The following ITIH3 variants were observed in gnomAD, a reference collection of about 807,000 sequenced individuals.
The protein encoded by ITIH3 is inter-alpha-trypsin inhibitor heavy chain H3.
In ITIH3, 81 loss-of-function variants were observed where a neutral mutation model predicts 96.5. The ratio of observed to expected loss-of-function variants is 0.84; its 90% CI spans 0.70 to 1.01. The LOEUF (loss-of-function observed/expected upper bound fraction) is 1.01. Among genes scored for constraint, ITIH3 ranks in the 50% least tolerant of loss-of-function variants. The probability of loss-of-function intolerance (pLI) is 0.00; values close to 1 mark genes in which losing one functional copy is unlikely to be tolerated. For synonymous variants in ITIH3, 422 were observed against 445.2 expected (o/e 0.95, Z 0.66); for missense variants, 1,057 against 1,139.3 (o/e 0.93, Z 1.04).
chr3:52,799,304 C>CCAGA, intron 7 of ITIH3, 68 bp from the exon 8 acceptor site: 2 of 1,291,760 alleles, frequency 1.5e-6, no homozygotes, highest in East Asian at 4.8e-5. Flanking sequence ...CTGGCTTCTA[C>CCAGA]CTGCAAGAAT....
chr3:52,795,013 C>A, intron 1 of ITIH3, 117 bp downstream of exon 1: 1 of 835,126 alleles, frequency 1.2e-6, no homozygotes. Context: ...CACTGAGCTG[C>A]TGGGAGTAGT....
At chr3:52,800,452 G>C (rs560112900) in intron 9 of ITIH3, 86 bp from the exon 10 acceptor site, 5 of 1,506,234 alleles carry the variant, frequency 3.3e-6, no homozygotes, top group Non-Finnish European at 4.5e-6. Flanking sequence ...AGTGGGGCCG[G>C]CTGTCCCGGC....
rs1410120514 is a variant in ITIH3 at position 52,800,546 on chromosome 3, A to G, written c.1084A>G (p.Ile362Val). The G allele has an allele frequency of 2.6e-6, 4 of 1,554,906 alleles. No homozygotes were observed. Among genetic ancestry groups the G allele is most frequent in the East Asian group, 2.4e-5 (1 of 41,160 alleles). Reference sequence around the variant, plus strand: ...GTCTGTCTGTGTCCCAGTGACCAACATCAATGACGGGCTGCTGAGGGGCAT... The same window carrying G: ...GTCTGTCTGTGTCCCAGTGACCAACGTCAATGACGGGCTGCTGAGGGGCAT... Reference protein sequence around the residue: ...KSMEDKGMTNINDGLLRGISM... With the variant: ...KSMEDKGMTNVNDGLLRGISM... The change falls in exon 10 of 22, where the codon ATC becomes GTC. Residue 362 changes from isoleucine to valine, a missense_variant. Transcript: ENST00000449956.
chr3:52,805,653 T>A, intron 15 of ITIH3, 155 bp from the exon 16 acceptor site: 1 of 1,469,442 alleles, frequency 6.8e-7, no homozygotes, highest in Non-Finnish European at 9.0e-7. Context: ...ACGTGCCCGA[T>A]TTCCAAAGCC....
At chr3:52,802,893 G>T in intron 13 of ITIH3, 87 bp downstream of exon 13, 2 of 1,491,480 alleles carry the variant, frequency 1.3e-6, no homozygotes, top group Non-Finnish European at 1.8e-6. Flanking sequence ...CAGCGGTCCT[G>T]CCCTCTTCTT....
chr3:52,805,846 T>C lies in ITIH3; in HGVS notation c.1906+6T>C. 6.2e-7 allele frequency: 1 copy of C among 1,613,524 alleles called. No homozygotes were observed. The highest frequency in any genetic ancestry group is 8.5e-7 in the Non-Finnish European group (1 of 1,179,600). On this transcript the variant is annotated splice_donor_region_variant and intron_variant, in intron 16 of 21. Transcript: ENST00000449956. ...CCCCGCCATGTCCTACCTGAGTGAG[T>C]ACATGCTGGCAGCTGCCACTCCTCC...
rs938908058 is a variant in ITIH3 at position 52,808,154 on chromosome 3, C to T, written c.2476C>T (p.Pro826Ser). Residue 826 changes from proline to serine, a missense_variant, in exon 21 of 22, where the codon CCA becomes TCA. Transcript: ENST00000449956. ...TGACTTTAAAGTGTCTGACATCCGG[C>T]CAGGCTCTGACCCCACAAAGCCAGA... Reference protein sequence around the residue: ...PFDFKVSDIRPGSDPTKPDAT... With the variant: ...PFDFKVSDIRSGSDPTKPDAT... The T allele has an allele frequency of 2.5e-6, 4 of 1,614,202 alleles. No individual in the cohort carries two copies. In the Middle Eastern group the frequency reaches 4.9e-4, roughly 200 times the overall value.
chr3:52,795,572 C>T, intron 1 of ITIH3, 31 bp from the exon 2 acceptor site: 1 of 1,604,592 alleles, frequency 6.2e-7, no homozygotes, highest in Middle Eastern at 1.7e-4. Flanking sequence ...TGGCCTGATT[C>T]CTGTGTTTGT....
intron 6 of ITIH3, 118 bp downstream of exon 6, chr3:52,798,048 G>A: frequency 1.5e-6 from 1 of 656,042 alleles, no homozygotes; most frequent in African/African-American, 1.8e-5. Context: ...GGGTGGGGCT[G>A]GGGATCAATC....
chr3:52,802,368 C>T lies in ITIH3; in HGVS notation c.1418C>T (p.Thr473Met), dbSNP rs374128036. The change falls in exon 12 of 22, where the codon ACG (threonine) becomes ATG (methionine). Residue 473 changes from threonine to methionine, a missense_variant. Physicochemically the swap from Thr to Met is moderately conservative, Grantham distance 81. Transcript: ENST00000449956. ...GAGGAGGTGGCCAACCCACTGCTGACGGGTGTGGAGATGGAGTACCCCGAG... is the reference window on the plus strand; with the variant it reads ...GAGGAGGTGGCCAACCCACTGCTGATGGGTGTGGAGATGGAGTACCCCGAG... ...FYEEVANPLLTGVEMEYPENA... is the reference protein window; with the variant it reads ...FYEEVANPLLMGVEMEYPENA... 32 of 1,613,948 alleles carry T rather than the reference C, an allele frequency of 2.0e-5. No homozygotes were observed. The African/African-American group carries it at 2.5e-4, about 13-fold the overall frequency.
chr3:52,800,275 A>C (rs1699772379), intron 9 of ITIH3: 5 of 555,940 alleles, frequency 9.0e-6, no homozygotes, highest in Admixed American at 6.5e-5. Flanking sequence ...GAGTCCATCC[A>C]ACTCTGCCAA....
chr3:52,806,328 G>A lies in ITIH3; in HGVS notation c.1978G>A (p.Glu660Lys). Residue 660 changes from glutamate (E) to lysine (K), a missense_variant, in exon 18 of 22, where the codon GAG (glutamate) becomes AAG (lysine). Coordinates refer to ENST00000449956, the MANE Select transcript of ITIH3 (RefSeq NM_002217.4). Reference sequence around the variant, plus strand: ...TCCCCACTTCATCATCCAAATTCCGGAGAAAGACGATGCCCTCTGCTTCAA... The same window carrying A: ...TCCCCACTTCATCATCCAAATTCCGAAGAAAGACGATGCCCTCTGCTTCAA... ...GDPHFIIQIP[E>K]KDDALCFNID... The A allele has an allele frequency of 6.2e-7, 1 of 1,613,944 alleles. No individual in the cohort carries two copies. Among genetic ancestry groups the A allele is most frequent in the Non-Finnish European group, 8.5e-7 (1 of 1,179,866 alleles).
intron 15 of ITIH3, 131 bp from the exon 16 acceptor site, chr3:52,805,676 TC>T (rs760950608): frequency 7.6e-5 from 115 of 1,515,352 alleles, no homozygotes; most frequent in Non-Finnish European, 9.4e-5. Context: ...ATCTTTGTAG[TC>T]ACATCTCCAC....
chr3:52,808,302 G>A, intron 21 of ITIH3, 81 bp downstream of exon 21: 1 of 1,260,962 alleles, frequency 7.9e-7, no homozygotes, highest in Non-Finnish European at 1.1e-6. Flanking sequence ...ACATTAGTCT[G>A]GTGGGCTTTT....
rs1427578553 is a variant in ITIH3, at chr3:52,796,844, G to A, written c.386+1G>A. 1 of 1,597,252 alleles carries A rather than the reference G, an allele frequency of 6.3e-7. No individual in the cohort carries two copies. Among genetic ancestry groups the A allele is most frequent in the Non-Finnish European group, 8.5e-7 (1 of 1,171,280 alleles). On this transcript the variant is annotated splice_donor_variant, in intron 4 of 21. Transcript: ENST00000449956. LOFTEE classifies it high-confidence loss of function. ...AGGGCAAGACGGCCGGCTTGGTCAA[G>A]TAAGTATGGACTCCCAGGCCTTGGG... is the stretch of plus-strand genomic sequence containing the variant.
At position 52,799,817 on chromosome 3, in the gene ITIH3, T is replaced by C. The variant is rs749234695; in HGVS notation, c.971T>C (p.Leu324Pro). 3 of 1,613,896 alleles carry C rather than the reference T, an allele frequency of 1.9e-6. No individual in the cohort carries two copies. Among genetic ancestry groups the C allele is most frequent in the East Asian group, 2.2e-5 (1 of 44,882 alleles). ...GAGGAAGACTATCTGAATTTCATCCTGTTCAGTGGAGATGTGTCCACATGG... is the reference window on the plus strand; with the variant it reads ...GAGGAAGACTATCTGAATTTCATCCCGTTCAGTGGAGATGTGTCCACATGG... ...MQEEDYLNFI[L>P]FSGDVSTWKE... Residue 324 changes from leucine to proline, a missense_variant, in exon 9 of 22, where the codon CTG (leucine) becomes CCG (proline). By Grantham distance (98) the Leu-to-Pro change is moderately conservative. Coordinates refer to ENST00000449956, the MANE Select transcript of ITIH3 (RefSeq NM_002217.4).
At chr3:52,803,556 T>C (rs1275923347) in intron 13 of ITIH3, among the ~76,000 whole-genome samples, 1 of 152,150 alleles carries the variant, frequency 6.6e-6, no homozygotes. Context: ...TGACCTCAGG[T>C]GATTCACCCG....
chr3:52,800,409 C>T, intron 9 of ITIH3, 129 bp from the exon 10 acceptor site: 1 of 1,059,128 alleles, frequency 9.4e-7, no homozygotes, highest in Non-Finnish European at 1.4e-6. Context: ...TGAGTACCAC[C>T]ATGGGCTGGC....
intron 1 of ITIH3, among the ~76,000 whole-genome samples, 160 bp downstream of exon 1, chr3:52,795,056 G>C (rs567699397): frequency 3.3e-5 from 5 of 152,270 alleles, no homozygotes; most frequent in Admixed American, 6.5e-5. Flanking sequence ...TCCAGCTGAG[G>C]CCTATGCTAA....
Sources: gnomAD v4.1 joint callset for allele counts (sites outside exome capture counted in the v4.1 genomes callset) on GRCh38, gnomAD v4.1.1 for gene constraint, MANE v1.5 for transcripts, NCBI Gene and HGNC (gene_info 2026-07-23, HGNC 2026-07-21) for gene names.